The following CREM variants were observed in gnomAD, a reference collection of about 807,000 sequenced individuals.
The protein encoded by CREM is cAMP-responsive element modulator.
A neutral mutation model predicts 37.3 loss-of-function variants in CREM; 13 were observed. That is an observed-to-expected ratio of 0.35 (90% confidence interval 0.23 to 0.55). The LOEUF (loss-of-function observed/expected upper bound fraction) is 0.55. Ranked by LOEUF, CREM falls within the 20% of genes least tolerant of loss-of-function variation. The pLI is 0.88. For missense variants in CREM, 296 were observed against 362.3 expected (o/e 0.82, Z 1.49); for synonymous variants, 124 against 120.2 (o/e 1.03, Z -0.21).
intron 5 of CREM, among the ~76,000 whole-genome samples, chr10:35,184,608 G>T (rs2094476231): frequency 6.6e-6 from 1 of 152,182 alleles, no homozygotes; most frequent in South Asian, 2.1e-4. Flanking sequence ...TAGAGCCAGT[G>T]TGTGAGGGGT....
chr10:35,186,817 AAC>A (rs1211020775), intron 5 of CREM, among the ~76,000 whole-genome samples: 1 of 123,552 alleles, frequency 8.1e-6, no homozygotes, highest in Non-Finnish European at 1.6e-5. Context: ...AATTGTACAT[AAC>A]ATATATACAT....
intron 2 of CREM, among the ~76,000 whole-genome samples, chr10:35,145,790 A>AG (rs2092030067): frequency 6.6e-6 from 1 of 151,650 alleles, no homozygotes; most frequent in Non-Finnish European, 1.5e-5. Context: ...AAAAAAAAAA[A>AG]AAAAAAAAAG....
chr10:35,140,242 T>C (rs1340446701), intron 2 of CREM, among the ~76,000 whole-genome samples: 6 of 152,274 alleles, frequency 3.9e-5, no homozygotes, highest in African/African-American at 1.4e-4. Context: ...AAAATTACAG[T>C]CCATACATTT....
At chr10:35,130,968 C>T (rs1052545155) in intron 1 of CREM, among the ~76,000 whole-genome samples, 1 of 152,212 alleles carries the variant, frequency 6.6e-6, no homozygotes, top group Non-Finnish European at 1.5e-5. Context: ...GAGGAAATTA[C>T]TGGCAACGTG....
chr10:35,168,807 T>C (rs1331276528), intron 3 of CREM, among the ~76,000 whole-genome samples: 10 of 152,228 alleles, frequency 6.6e-5, no homozygotes, highest in Non-Finnish European at 1.3e-4. Flanking sequence ...GTTTCAGCTT[T>C]TTACATATGG....
At chr10:35,191,105 T>TATTTATTTATTTATTTATTA (rs1564936798) in intron 6 of CREM, among the ~76,000 whole-genome samples, 2 of 151,460 alleles carry the variant, frequency 1.3e-5, no homozygotes, top group African/African-American at 4.8e-5. Flanking sequence ...TTTATTTATT[T>TATTTATTTATTTATTTATTA]ATTATACTTT....
At chr10:35,190,905 G>A (rs1161889134) in intron 6 of CREM, among the ~76,000 whole-genome samples, 4 of 151,802 alleles carry the variant, frequency 2.6e-5, no homozygotes, top group Non-Finnish European at 4.4e-5. Flanking sequence ...CTCATGATCC[G>A]CCCACCTCAG....
chr10:35,182,265 G>A (rs1249084973), intron 5 of CREM, among the ~76,000 whole-genome samples: 1 of 152,094 alleles, frequency 6.6e-6, no homozygotes, highest in Non-Finnish European at 1.5e-5. Flanking sequence ...TAATGTTGTA[G>A]CAGAATGTCT....
rs150152061 is a variant in CREM at position 35,178,927 on chromosome 10, A to G, written c.207A>G (p.Ser69=). The change falls in exon 4 of 8, where the codon TCA becomes TCG. Residue 69 remains serine (S), a synonymous_variant. Coordinates refer to ENST00000685392, the MANE Select transcript of CREM (RefSeq NM_183011.2). ...CAGAGACAGATGAATCTGCAGAATCAGAAGGTGTAATTGATTCTCATAAAC... is the reference window on the plus strand; with the variant it reads ...CAGAGACAGATGAATCTGCAGAATCGGAAGGTGTAATTGATTCTCATAAAC... ...AIAETDESAE[S]EGVIDSHKRR... is the part of the protein sequence containing the mutation. 1.9e-6 allele frequency: 3 copies of G among 1,613,734 alleles called. No homozygotes were observed. The highest frequency in any genetic ancestry group is 1.7e-5 in the Admixed American group (1 of 59,940).
chr10:35,196,186 C>G (rs2095159055), intron 6 of CREM: 3 of 1,367,638 alleles, frequency 2.2e-6, no homozygotes, highest in Non-Finnish European at 3.1e-6. Context: ...GGGTTCTTTA[C>G]TCTTACTCCA....
intron 6 of CREM, among the ~76,000 whole-genome samples, chr10:35,204,412 C>T (rs1304546887): frequency 6.6e-6 from 1 of 152,044 alleles, no homozygotes; most frequent in Non-Finnish European, 1.5e-5. Context: ...CCATCCTGGG[C>T]AACATGGTGA....
At chr10:35,150,845 G>C (rs1389488360) in intron 3 of CREM, among the ~76,000 whole-genome samples, 1 of 148,424 alleles carries the variant, frequency 6.7e-6, no homozygotes, top group East Asian at 2.0e-4. Flanking sequence ...TTGCCAACAG[G>C]TTAAGTAATG....
chr10:35,167,668 G>A, intron 3 of CREM: 1 of 1,548,772 alleles, frequency 6.5e-7, no homozygotes, highest in Non-Finnish European at 8.9e-7. Context: ...GCTGTCAATT[G>A]CATCATCTTA....
chr10:35,138,775 C>A (rs2090998256), intron 2 of CREM, among the ~76,000 whole-genome samples: 1 of 151,266 alleles, frequency 6.6e-6, no homozygotes, highest in Non-Finnish European at 1.5e-5. Flanking sequence ...GTAATCCCAG[C>A]ACTTTGAGAG....
At chr10:35,207,326 G>A (rs150217264) in intron 7 of CREM, among the ~76,000 whole-genome samples, 22,961 of 151,898 alleles carry the variant, frequency 0.15, 1,954 homozygotes, top group East Asian at 0.23. Context: ...CCTGGGAGGC[G>A]GAGGTTGCAG....
Position 35,187,395 on chromosome 10 carries a change from G to A in CREM, c.410-805G>A, listed in dbSNP as rs191719270. 7.9e-3 allele frequency among the ~76,000 whole-genome samples: 1,180 copies of A among 148,844 alleles called. 23 individuals are homozygous for A. Among genetic ancestry groups the A allele is most frequent in the African/African-American group, 0.028 (1,112 of 40,294 alleles). ...CTGTCTCAGCCTCCCGAGTAACTGG[G>A]ACTACAGACACCTGCCACCACACCT... On this transcript the variant is annotated intron_variant, in intron 5 of 7. Transcript: ENST00000685392.
At chr10:35,148,739 GT>G (rs1412071002) in intron 3 of CREM, 2 of 368,088 alleles carry the variant, frequency 5.4e-6, no homozygotes, top group Non-Finnish European at 9.9e-6. Flanking sequence ...TCCTGAATAT[GT>G]AATCCTCAAA....
chr10:35,186,986 ATATAT>A (rs2094597294), intron 5 of CREM, among the ~76,000 whole-genome samples: 1 of 84,574 alleles, frequency 1.2e-5, no homozygotes, highest in Non-Finnish European at 2.1e-5. Context: ...TATATGTGAT[ATATAT>A]TATATATTAT....
intron 3 of CREM, among the ~76,000 whole-genome samples, chr10:35,172,456 T>G (rs1285247740): frequency 6.6e-6 from 1 of 152,086 alleles, no homozygotes; most frequent in Admixed American, 6.5e-5. Flanking sequence ...ATATCCACAC[T>G]GATGGTGCAA....
Sources: allele counts gnomAD v4.1 joint callset (sites outside exome capture counted in the v4.1 genomes callset), GRCh38; gene constraint gnomAD v4.1.1; transcripts MANE v1.5; gene names NCBI Gene and HGNC (gene_info 2026-07-23, HGNC 2026-07-21).